The following DEFB125 variants were observed in gnomAD, a reference collection of about 807,000 sequenced individuals.
DEFB125 encodes the protein beta-defensin 125.
DEFB125 carries 11 observed loss-of-function variants against 11.8 expected under a neutral mutation model. The observed-to-expected ratio is 0.94, with a 90% CI of 0.59 to 1.55. The LOEUF is 1.55. Among genes scored for constraint, DEFB125 ranks in the 40% most tolerant of loss-of-function variants. The pLI, the probability that DEFB125 is intolerant of heterozygous loss-of-function variation, is 0.00. For synonymous variants in DEFB125, 79 were observed against 66.7 expected (o/e 1.18, Z -0.90); for missense variants, 198 against 191.2 (o/e 1.04, Z -0.21).
intron 1 of DEFB125, among the ~76,000 whole-genome samples, chr20:88,865 G>GACACACACACAC (rs200122767): frequency 1.2e-4 from 18 of 148,522 alleles, no homozygotes; most frequent in South Asian, 6.4e-4. Context: ...TGGACACGTG[G>GACACACACACAC]ACACACACAC....
chr20:93,640 C>T lies in DEFB125; in HGVS notation c.59-2365C>T, dbSNP rs181472737. ...TGTCCTTTAAGAAACAGTCTCCTCT[C>T]CTGCTTAATGTAGTCACATCTGATA... On this transcript the variant is annotated intron_variant, in intron 1 of 1. Transcript: ENST00000382410. 2.1e-3 allele frequency among the ~76,000 whole-genome samples: 319 copies of T among 152,332 alleles called. 2 individuals are homozygous for T. The highest frequency in any genetic ancestry group is 2.9e-3 in the Non-Finnish European group (198 of 68,038).
chr20:91,229 AG>A (rs1293567739), intron 1 of DEFB125, among the ~76,000 whole-genome samples: 1 of 152,168 alleles, frequency 6.6e-6, no homozygotes, highest in Non-Finnish European at 1.5e-5. Flanking sequence ...TCAGATGGAT[AG>A]CTTGCAAATA....
At chr20:92,954 A>T (rs923942660) in intron 1 of DEFB125, among the ~76,000 whole-genome samples, 2 of 142,216 alleles carry the variant, frequency 1.4e-5, no homozygotes, top group Non-Finnish European at 3.0e-5. Flanking sequence ...TTCTATATTA[A>T]TCTCTCCTTT....
At chr20:91,129 G>C (rs1178378911) in intron 1 of DEFB125, among the ~76,000 whole-genome samples, 4 of 152,152 alleles carry the variant, frequency 2.6e-5, no homozygotes, top group Non-Finnish European at 5.9e-5. Context: ...CAAATCTTTT[G>C]CCTGTTTTAA....
intron 1 of DEFB125, among the ~76,000 whole-genome samples, chr20:88,989 T>TTTTTCTACTACATTCAG (rs1277443986): frequency 2.0e-5 from 3 of 152,134 alleles, no homozygotes; most frequent in Admixed American, 6.5e-5. Flanking sequence ...TCCTTTTTGT[T>TTTTTCTACTACATTCAG]TTTTCTACTA....
At chr20:88,862 G>C in intron 1 of DEFB125, among the ~76,000 whole-genome samples, 1 of 104,920 alleles carries the variant, frequency 9.5e-6, no homozygotes, top group Middle Eastern at 5.6e-3. Context: ...GACTGGACAC[G>C]TGGACACACA....
At chr20:88,805 A>T (rs529487224) in intron 1 of DEFB125, among the ~76,000 whole-genome samples, 1 of 151,968 alleles carries the variant, frequency 6.6e-6, no homozygotes, top group South Asian at 2.1e-4. Context: ...TATCAAAAAC[A>T]ATTCAGCAAG....
intron 1 of DEFB125, among the ~76,000 whole-genome samples, chr20:90,373 C>T (rs1402926352): frequency 6.6e-6 from 1 of 152,180 alleles, no homozygotes; most frequent in Non-Finnish European, 1.5e-5. Context: ...TCCTATGACA[C>T]TCATATCTAT....
intron 1 of DEFB125, among the ~76,000 whole-genome samples, chr20:93,501 A>C (rs2054504048): frequency 6.6e-6 from 1 of 152,158 alleles, no homozygotes; most frequent in South Asian, 2.1e-4. Flanking sequence ...ACCACTCGGA[A>C]GCTGCTCTCC....
At position 95,836 on chromosome 20, in the gene DEFB125, G is replaced by A. The variant is rs1457167267; in HGVS notation, c.59-169G>A. 4.6e-5 allele frequency among the ~76,000 whole-genome samples: 7 copies of A among 152,016 alleles called. 1 individual carries two copies. In the South Asian group the frequency reaches 1.5e-3, roughly 32 times the overall value. On this transcript the variant is annotated intron_variant, in intron 1 of 1. Coordinates refer to ENST00000382410, the MANE Select transcript of DEFB125 (RefSeq NM_153325.4). ...CATACAACTTCTTTGATGGCACATA[G>A]CACAATTTTAATATACACTTTTTGT...
At chr20:90,421 G>T (rs1218099803) in intron 1 of DEFB125, among the ~76,000 whole-genome samples, 1 of 152,076 alleles carries the variant, frequency 6.6e-6, no homozygotes, top group Admixed American at 6.5e-5. Context: ...ATTATATCCA[G>T]AATGCAATTA....
At chr20:89,211 T>G (rs2054487753) in intron 1 of DEFB125, among the ~76,000 whole-genome samples, 1 of 152,208 alleles carries the variant, frequency 6.6e-6, no homozygotes, top group South Asian at 2.1e-4. Context: ...TATTCATGTC[T>G]ATTAAATGGT....
chr20:96,199 G>A lies in DEFB125; in HGVS notation c.253G>A (p.Val85Met), dbSNP rs1442504109. Residue 85 changes from valine to methionine, a missense_variant, in exon 2 of 2, where the codon GTG (valine) becomes ATG (methionine). Val to Met is a conservative substitution (Grantham distance 21). Coordinates refer to ENST00000382410, the MANE Select transcript of DEFB125 (RefSeq NM_153325.4). ...LEDITLDYSDVDSFTGSPVSM... is the reference protein window; with the variant it reads ...LEDITLDYSDMDSFTGSPVSM... ...GGATATAACATTGGATTATAGTGATGTGGACTCTTTTACTGGTTCCCCAGT... is the reference window on the plus strand; with the variant it reads ...GGATATAACATTGGATTATAGTGATATGGACTCTTTTACTGGTTCCCCAGT... 4.3e-6 allele frequency: 7 copies of A among 1,614,012 alleles called. No homozygotes were observed. Among genetic ancestry groups the A allele is most frequent in the Admixed American group, 1.7e-5 (1 of 59,994 alleles).
At chr20:95,942 G>T in intron 1 of DEFB125, 63 bp from the exon 2 acceptor site, 1 of 1,457,532 alleles carries the variant, frequency 6.9e-7, no homozygotes, top group Non-Finnish European at 9.2e-7. Context: ...ATTTTTGAAT[G>T]AATGAAAAGT....
intron 1 of DEFB125, among the ~76,000 whole-genome samples, chr20:89,182 A>G (rs2054487701): frequency 6.6e-6 from 1 of 152,208 alleles, no homozygotes; most frequent in Non-Finnish European, 1.5e-5. Context: ...GAGGTGTTAT[A>G]TGTTGCCTAG....
chr20:95,539 T>C (rs1184871016), intron 1 of DEFB125, among the ~76,000 whole-genome samples: 1 of 150,878 alleles, frequency 6.6e-6, no homozygotes, highest in Non-Finnish European at 1.5e-5. Context: ...TGGCCTGAAA[T>C]TTTTTTTTTC....
chr20:91,541 AT>A (rs1165478488), intron 1 of DEFB125, among the ~76,000 whole-genome samples: 5 of 152,084 alleles, frequency 3.3e-5, no homozygotes, highest in Admixed American at 6.5e-5. Flanking sequence ...GCTCCATGTG[AT>A]TTTTGTCTGT....
At chr20:93,080 C>T (rs1379825182) in intron 1 of DEFB125, among the ~76,000 whole-genome samples, 1 of 151,218 alleles carries the variant, frequency 6.6e-6, no homozygotes, top group African/African-American at 2.4e-5. Context: ...AAGTGATTCT[C>T]CTGCCTCAGC....
At chr20:95,746 C>G (rs558292837) in intron 1 of DEFB125, among the ~76,000 whole-genome samples, 1 of 152,044 alleles carries the variant, frequency 6.6e-6, no homozygotes, top group Non-Finnish European at 1.5e-5. Flanking sequence ...TTCTAGGTTT[C>G]GTATCAGTCT....
Sources: allele counts gnomAD v4.1 joint callset (sites outside exome capture counted in the v4.1 genomes callset), GRCh38; gene constraint gnomAD v4.1.1; transcripts MANE v1.5; gene names NCBI Gene and HGNC (gene_info 2026-07-23, HGNC 2026-07-21).